The following FNDC3B variants were observed in gnomAD, a reference collection of about 807,000 sequenced individuals.
FNDC3B encodes fibronectin type III domain-containing protein 3B.
A neutral mutation model predicts 151.5 loss-of-function variants in FNDC3B; 12 were observed. That is an observed-to-expected ratio of 0.08 (90% CI 0.05 to 0.13). The LOEUF (loss-of-function observed/expected upper bound fraction) is 0.13, where lower values mean the gene tolerates loss of function less well. Ranked by LOEUF, FNDC3B falls within the 10% of genes least tolerant of loss-of-function variation. The pLI is 1.00. For synonymous variants in FNDC3B, 528 were observed against 549.0 expected, an observed-to-expected ratio of 0.96 and a Z score of 0.54; for missense variants, 1,214 against 1,505.3, an observed-to-expected ratio of 0.81 and a Z score of 3.20.
At chr3:172,302,020 A>G (rs1284180270) in intron 9 of FNDC3B, 1 of 152,214 alleles carries the variant, frequency 6.6e-6, no homozygotes, top group East Asian at 1.9e-4. Context: ...TTAATATTGC[A>G]ACATTTTGAT....
At chr3:172,099,369 C>T (rs551846823) in intron 1 of FNDC3B, among the ~76,000 whole-genome samples, 1 of 151,924 alleles carries the variant, frequency 6.6e-6, no homozygotes, top group Non-Finnish European at 1.5e-5. Context: ...CAAATCATGG[C>T]GGGACTTAAA....
chr3:172,321,146 T>A (rs1198005720), intron 11 of FNDC3B, among the ~76,000 whole-genome samples: 1 of 152,240 alleles, frequency 6.6e-6, no homozygotes, highest in African/African-American at 2.4e-5. Flanking sequence ...GCTGGTTACA[T>A]GAGGAAGTCC....
intron 3 of FNDC3B, among the ~76,000 whole-genome samples, chr3:172,138,902 T>C (rs1721491591): frequency 6.6e-6 from 1 of 152,208 alleles, no homozygotes; most frequent in Non-Finnish European, 1.5e-5. Flanking sequence ...TGTGAAACTT[T>C]TTCCGCTCTT....
chr3:172,058,095 T>C (rs948059711), intron 1 of FNDC3B, among the ~76,000 whole-genome samples: 6 of 152,206 alleles, frequency 3.9e-5, no homozygotes, highest in African/African-American at 1.2e-4. Flanking sequence ...ATTGTCAGAA[T>C]TGGCACAATT....
chr3:172,301,727 G>A (rs375866448), intron 9 of FNDC3B: 19 of 152,334 alleles, frequency 1.2e-4, no homozygotes, highest in African/African-American at 4.6e-4. Context: ...GTATGGTGAT[G>A]TATGCCCGTG....
intron 3 of FNDC3B, among the ~76,000 whole-genome samples, chr3:172,173,861 T>C (rs1723411386): frequency 6.6e-6 from 1 of 152,004 alleles, no homozygotes; most frequent in African/African-American, 2.4e-5. Context: ...CCCGATGTCC[T>C]AGGAATAGAA....
At chr3:172,286,513 A>C (rs975384595) in intron 7 of FNDC3B, among the ~76,000 whole-genome samples, 3 of 152,214 alleles carry the variant, frequency 2.0e-5, no homozygotes, top group African/African-American at 4.8e-5. Context: ...ATGTTGATTC[A>C]GCCTTTCATC....
intron 3 of FNDC3B, among the ~76,000 whole-genome samples, chr3:172,178,396 G>A (rs530374517): frequency 4.6e-5 from 7 of 152,052 alleles, no homozygotes; most frequent in African/African-American, 1.2e-4. Flanking sequence ...TGCTGTCACC[G>A]AGAGCTCATA....
At chr3:172,356,171 G>C (rs525983) in intron 22 of FNDC3B, among the ~76,000 whole-genome samples, 1 of 151,952 alleles carries the variant, frequency 6.6e-6, no homozygotes, top group Admixed American at 6.6e-5. Flanking sequence ...GTCATAACAA[G>C]GTGAGATGGG....
chr3:172,242,678 C>A (rs560099616), intron 4 of FNDC3B, among the ~76,000 whole-genome samples: 1 of 152,326 alleles, frequency 6.6e-6, no homozygotes, highest in South Asian at 2.1e-4. Context: ...ATTTTATCCT[C>A]CTAGGCCTCA....
At chr3:172,253,675 T>C (rs1728191427) in intron 6 of FNDC3B, among the ~76,000 whole-genome samples, 1 of 152,242 alleles carries the variant, frequency 6.6e-6, no homozygotes, top group South Asian at 2.1e-4. Context: ...GAGTAGAATA[T>C]ATACCTAACC....
intron 7 of FNDC3B, among the ~76,000 whole-genome samples, chr3:172,286,729 G>A (rs1003083520): frequency 2.0e-5 from 3 of 152,192 alleles, no homozygotes; most frequent in African/African-American, 7.2e-5. Context: ...GGGTGTTGCC[G>A]TTGGGAGGGG....
intron 3 of FNDC3B, among the ~76,000 whole-genome samples, chr3:172,206,698 G>A (rs975102431): frequency 6.8e-6 from 1 of 147,688 alleles, no homozygotes; most frequent in Admixed American, 6.7e-5. Context: ...GTATATTCTG[G>A]AGACTATATT....
At chr3:172,043,452 T>A (rs2108448787) in intron 1 of FNDC3B, among the ~76,000 whole-genome samples, 1 of 152,276 alleles carries the variant, frequency 6.6e-6, no homozygotes, top group Non-Finnish European at 1.5e-5. Flanking sequence ...GCTGAAGTGA[T>A]CCTCTCCCCT....
chr3:172,367,336 A>G (rs1470467728), intron 23 of FNDC3B, among the ~76,000 whole-genome samples: 7 of 152,128 alleles, frequency 4.6e-5, no homozygotes, highest in Non-Finnish European at 7.4e-5. Context: ...TGGACTATCT[A>G]TGAGAGCTTA....
intron 21 of FNDC3B, among the ~76,000 whole-genome samples, chr3:172,348,667 G>A (rs1036615262): frequency 8.5e-5 from 13 of 152,166 alleles, no homozygotes; most frequent in Admixed American, 6.5e-5. Flanking sequence ...CAGAGTCTAT[G>A]TTGTCTTAGC....
At chr3:172,271,515 C>T (rs767043371) in intron 6 of FNDC3B, among the ~76,000 whole-genome samples, 9 of 152,092 alleles carry the variant, frequency 5.9e-5, no homozygotes, top group South Asian at 2.1e-4. Flanking sequence ...ATGGTTTATG[C>T]GCTCTTATTC....
chr3:172,079,588 T>G (rs1017977601), intron 1 of FNDC3B, among the ~76,000 whole-genome samples: 4 of 152,240 alleles, frequency 2.6e-5, no homozygotes, highest in Admixed American at 6.5e-5. Context: ...ACTTTAGCAC[T>G]GGGGATGGGA....
chr3:172,057,039 T>C (rs1716949990), intron 1 of FNDC3B, among the ~76,000 whole-genome samples: 1 of 152,214 alleles, frequency 6.6e-6, no homozygotes, highest in Non-Finnish European at 1.5e-5. Context: ...TTTTCTTCCT[T>C]TCTGCCCCTT....
Sources: gnomAD v4.1 joint callset for allele counts (sites outside exome capture counted in the v4.1 genomes callset) on GRCh38, gnomAD v4.1.1 for gene constraint, MANE v1.5 for transcripts, NCBI Gene and HGNC (gene_info 2026-07-23, HGNC 2026-07-21) for gene names.